Variants in UTP20 observed in about 807,000 individuals in gnomAD.
The protein encoded by UTP20 is small subunit processome component 20 homolog.
Under a neutral mutation model 329.5 loss-of-function variants are expected in UTP20, and 164 were observed. The ratio of observed to expected loss-of-function variants is 0.50; its 90% confidence interval spans 0.44 to 0.57. The LOEUF (loss-of-function observed/expected upper bound fraction) is 0.57. Among genes scored for constraint, UTP20 ranks in the 20% least tolerant of loss-of-function variants. The pLI is 0.00. For missense variants in UTP20, 3,055 were observed against 3,284.2 expected, an observed-to-expected ratio of 0.93 and a Z score of 1.71; for synonymous variants, 1,151 against 1,159.3, an observed-to-expected ratio of 0.99 and a Z score of 0.14.
intron 51 of UTP20, among the ~76,000 whole-genome samples, chr12:101,372,313 C>G (rs1870320981): frequency 6.6e-6 from 1 of 152,208 alleles, no homozygotes; most frequent in Non-Finnish European, 1.5e-5. Flanking sequence ...GGAATTCTGG[C>G]AGTGTCACAT....
Position 101,379,452 on chromosome 12 carries a change from C to T in UTP20, c.7478C>T (p.Ser2493Phe), listed in dbSNP as rs761241707. Residue 2493 changes from serine (S) to phenylalanine (F), a missense_variant, in exon 57 of 62, where the codon TCT (serine) becomes TTT (phenylalanine). Physicochemically the swap from Ser to Phe is radical, Grantham distance 155. Coordinates refer to ENST00000261637, the MANE Select transcript of UTP20 (RefSeq NM_014503.3). ...AAQIFGLLFA[S>F]CQPEELIQKW... ...CAGATTTTTGGATTACTCTTTGCCT[C>T]TTGCCAGCCAGAGGAGCTTATTCAA... 1.9e-6 allele frequency: 3 copies of T among 1,614,160 alleles called. No homozygotes were observed. Among genetic ancestry groups the T allele is most frequent in the South Asian group, 2.2e-5 (2 of 91,074 alleles).
At chr12:101,297,382 A>G (rs1593421494) in intron 12 of UTP20, among the ~76,000 whole-genome samples, 1 of 151,864 alleles carries the variant, frequency 6.6e-6, no homozygotes. Flanking sequence ...TGCCCAGCTA[A>G]TTTTTTAATT....
intron 26 of UTP20, among the ~76,000 whole-genome samples, chr12:101,327,946 C>T (rs12320107): frequency 0.047 from 7,118 of 152,238 alleles, 553 homozygotes; most frequent in African/African-American, 0.16. Context: ...CCCCATTTTA[C>T]ACATGGGGAA....
chr12:101,363,674 C>A lies in UTP20; in HGVS notation c.5889C>A (p.Asp1963Glu), dbSNP rs761861027. The A allele has an allele frequency of 8.2e-5, 133 of 1,613,140 alleles. No individual in the cohort carries two copies. Among genetic ancestry groups the A allele is most frequent in the Non-Finnish European group, 1.1e-4 (132 of 1,179,224 alleles). Reference sequence around the variant, plus strand: ...AAGCACGAAGAAGCAAAAGTTACGACTCTTATGAAATCCTCGGCAAGTTTG... The same window carrying A: ...AAGCACGAAGAAGCAAAAGTTACGAATCTTATGAAATCCTCGGCAAGTTTG... ...VMEARRSKSY[D>E]SYEILGKFVG... Residue 1963 changes from aspartate (D) to glutamate (E), a missense_variant, in exon 45 of 62, where the codon GAC becomes GAA. By Grantham distance (45) the Asp-to-Glu change is conservative. Around this residue, in one of 3 missense-constraint regions of UTP20, gnomAD observed 2,445 missense variants for 2,575.5 expected, o/e 0.95. Coordinates refer to ENST00000261637, the MANE Select transcript of UTP20 (RefSeq NM_014503.3).
chr12:101,323,311 T>C lies in UTP20; in HGVS notation c.3041+1682T>C, dbSNP rs146793167. Among the ~76,000 whole-genome samples the C allele has an allele frequency of 1.4e-3, 214 of 152,332 alleles. 2 individuals are homozygous for C. The highest frequency in any genetic ancestry group is 4.7e-3 in the African/African-American group (197 of 41,582). On this transcript the variant is annotated intron_variant, in intron 25 of 61. Transcript: ENST00000261637. ...TTGAATACCTATAAATCTTATTCGA[T>C]TGATGGATTAGAATAGATTCTTGAT...
At position 101,374,182 on chromosome 12, in the gene UTP20, C is replaced by T. The variant is rs1267333083; in HGVS notation, c.7131+415C>T. Among the ~76,000 whole-genome samples the T allele has an allele frequency of 2.0e-4, 30 of 150,768 alleles. 1 individual carries two copies. In the East Asian group the frequency reaches 5.8e-3, roughly 29 times the overall value. ...CCCGGGAGGCGGAGCTTGCAGTGAG[C>T]CGAGGTCCCGCCACTGCACTCCAGC... On this transcript the variant is annotated intron_variant, in intron 54 of 61. Transcript: ENST00000261637.
At chr12:101,349,843 A>G (rs989578116) in intron 38 of UTP20, among the ~76,000 whole-genome samples, 4 of 151,930 alleles carry the variant, frequency 2.6e-5, no homozygotes, top group Non-Finnish European at 4.4e-5. Flanking sequence ...AAGTTGTTCC[A>G]TAACTCAGAG....
At position 101,374,957 on chromosome 12, in the gene UTP20, G is replaced by C. The variant is rs751921399; in HGVS notation, c.7263+18G>C. The C allele has an allele frequency of 3.1e-6, 5 of 1,594,938 alleles. No homozygotes were observed. The highest frequency in any genetic ancestry group is 1.7e-5 in the Admixed American group (1 of 59,656). On this transcript the variant is annotated intron_variant, in intron 55 of 61. Coordinates refer to ENST00000261637, the MANE Select transcript of UTP20 (RefSeq NM_014503.3). Reference sequence around the variant, plus strand: ...TTAAAGATGTAAGTAATTTGCTAGGGAATAAAACTTTTCTAACTTATAGTT... The same window carrying C: ...TTAAAGATGTAAGTAATTTGCTAGGCAATAAAACTTTTCTAACTTATAGTT...
At chr12:101,290,436 G>T (rs768081716) in intron 7 of UTP20, among the ~76,000 whole-genome samples, 162 bp downstream of exon 7, 6 of 152,178 alleles carry the variant, frequency 3.9e-5, no homozygotes, top group Admixed American at 1.3e-4. Context: ...GTAGGCCTTG[G>T]ACAGTGAGAT....
intron 6 of UTP20, chr12:101,289,811 AT>A (rs1872080684): frequency 6.5e-6 from 1 of 153,540 alleles, no homozygotes. Flanking sequence ...TTAATATTAA[AT>A]TTTTTATTTC....
intron 25 of UTP20, among the ~76,000 whole-genome samples, chr12:101,325,494 C>T (rs140164097): frequency 1.2e-4 from 18 of 152,322 alleles, no homozygotes; most frequent in African/African-American, 3.4e-4. Flanking sequence ...TGAATCAAGA[C>T]GGTGGCACCA....
In UTP20 at chr12:101,288,966, C is replaced by T. The variant is rs1872046608; in HGVS notation, c.522C>T (p.Tyr174=). 1.2e-6 allele frequency: 2 copies of T among 1,613,160 alleles called. No homozygotes were observed. The highest frequency in any genetic ancestry group is 1.1e-5 in the South Asian group (1 of 91,006). The change falls in exon 6 of 62, where the codon TAC becomes TAT. Residue 174 remains tyrosine, a synonymous_variant. Transcript: ENST00000261637. The part of the protein sequence containing the change: ...VKDMSSIYSM[Y]STLLAHKKLH... ...TTATTTTTTTCATGTATAGCATGTA[C>T]AGCACACTCCTGGCTCATAAAAAAC...
Position 101,374,922 on chromosome 12 carries a change from C to A in UTP20, c.7246C>A (p.Pro2416Thr). The A allele has an allele frequency of 6.2e-7, 1 of 1,611,896 alleles. No individual in the cohort carries two copies. The highest frequency in any genetic ancestry group is 8.5e-7 in the Non-Finnish European group (1 of 1,178,294). ...VLPVIEKEID[P>T]ENFKDIMEET... The stretch of plus-strand genomic sequence containing the variant: ...TCCTGTGATTGAAAAGGAAATTGAT[C>A]CTGAAAACTTTAAAGATGTAAGTAA... Residue 2416 changes from proline (P) to threonine (T), a missense_variant, in exon 55 of 62, where the codon CCT becomes ACT. Around this residue, in one of 3 missense-constraint regions of UTP20, gnomAD observed 273 missense variants for 363.1 expected, o/e 0.75. Transcript: ENST00000261637.
chr12:101,345,775 G>T, intron 37 of UTP20, 81 bp downstream of exon 37: 2 of 1,322,018 alleles, frequency 1.5e-6, no homozygotes, highest in Non-Finnish European at 2.0e-6. Context: ...GGAAAGACAT[G>T]TTTTAACTTT....
chr12:101,314,524 G>C (rs1469294928), intron 21 of UTP20, among the ~76,000 whole-genome samples: 2 of 152,006 alleles, frequency 1.3e-5, no homozygotes, highest in Non-Finnish European at 2.9e-5. Context: ...TAGGCGTGGT[G>C]GTGGGTGCCT....
Position 101,342,851 on chromosome 12 carries a change from G to A in UTP20, c.4296+14G>A. 1 of 1,612,204 alleles carries A rather than the reference G, an allele frequency of 6.2e-7. No homozygotes were observed. Among genetic ancestry groups the A allele is most frequent in the Non-Finnish European group, 8.5e-7 (1 of 1,179,324 alleles). ...GATGTTGTCAAGGTAAGAAAGAAGG[G>A]TTTCTCTTTGGCTTCAAAAGTATTA... is the stretch of plus-strand genomic sequence containing the variant. On this transcript the variant is annotated intron_variant, in intron 34 of 61. Transcript: ENST00000261637.
Position 101,306,052 on chromosome 12 carries a change from C to A in UTP20, c.1919C>A (p.Thr640Asn). 2 of 1,612,666 alleles carry A rather than the reference C, an allele frequency of 1.2e-6. No individual in the cohort carries two copies. The highest frequency in any genetic ancestry group is 1.7e-6 in the Non-Finnish European group (2 of 1,179,248). ...CCCAAGTTACAAGCAAACATTTCAA[C>A]TGGTGTATCCAAGGTAATGGTGTTT... ...LFPKLQANIS[T>N]GVSKIRLLTI... The change falls in exon 16 of 62, where the codon ACT becomes AAT. Residue 640 changes from threonine to asparagine, a missense_variant. By Grantham distance (65) the Thr-to-Asn change is moderately conservative (BLOSUM62 0). Around this residue, in one of 3 missense-constraint regions of UTP20, gnomAD observed 2,445 missense variants for 2,575.5 expected, o/e 0.95. Transcript: ENST00000261637.
At chr12:101,362,780 A>G (rs1869969162) in intron 44 of UTP20, among the ~76,000 whole-genome samples, 1 of 133,148 alleles carries the variant, frequency 7.5e-6, no homozygotes, top group Non-Finnish European at 1.5e-5. Context: ...AATTTGCCAC[A>G]TAACCTTTTG....
intron 5 of UTP20, among the ~76,000 whole-genome samples, chr12:101,288,453 C>T (rs1872030011): frequency 2.0e-5 from 3 of 152,182 alleles, no homozygotes; most frequent in South Asian, 2.1e-4. Flanking sequence ...TAGTACCCAT[C>T]CCATAGAGTT....
Sources: allele counts gnomAD v4.1 joint callset (sites outside exome capture counted in the v4.1 genomes callset), GRCh38; gene constraint gnomAD v4.1.1; regional missense constraint gnomAD v4.1.1; transcripts MANE v1.5; gene names NCBI Gene and HGNC (gene_info 2026-07-23, HGNC 2026-07-21).